The following SPATA6 variants were observed in gnomAD, a reference collection of about 807,000 sequenced individuals.
SPATA6 encodes spermatogenesis associated 6, also known as spermatogenesis-associated protein 6.
SPATA6 carries 56 observed loss-of-function variants against 65.3 expected under a neutral mutation model. The ratio of observed to expected loss-of-function variants is 0.86; its 90% CI spans 0.69 to 1.07. SPATA6 has a LOEUF of 1.07. Among genes scored for constraint, SPATA6 ranks in the 50% least tolerant of loss-of-function variants. The pLI, the probability that SPATA6 is intolerant of heterozygous loss-of-function variation, is 0.00. For missense variants in SPATA6, 590 were observed against 594.8 expected, an observed-to-expected ratio of 0.99 and a Z score of 0.08; for synonymous variants, 199 against 213.2, an observed-to-expected ratio of 0.93 and a Z score of 0.58.
intron 11 of SPATA6, among the ~76,000 whole-genome samples, chr1:48,330,752 G>A (rs949662423): frequency 4.6e-5 from 7 of 152,230 alleles, no homozygotes; most frequent in South Asian, 4.1e-4. Context: ...TAGCCAGACA[G>A]GCAATACCCA....
chr1:48,263,146 T>G, the SPATA6 span: 1 of 152,148 alleles, frequency 6.6e-6, no homozygotes, highest in Non-Finnish European at 1.5e-5. Flanking sequence ...TTCTATTTTT[T>G]CCTTGAAAAA....
chr1:48,311,173 C>T (rs957897047), intron 11 of SPATA6, among the ~76,000 whole-genome samples: 1 of 151,976 alleles, frequency 6.6e-6, no homozygotes, highest in Admixed American at 6.6e-5. Flanking sequence ...AGAAAAAGAA[C>T]ATCAAACCAA....
intron 4 of SPATA6, 90 bp from the exon 5 acceptor site, chr1:48,411,678 G>T: frequency 8.8e-7 from 1 of 1,133,746 alleles, no homozygotes; most frequent in Non-Finnish European, 1.1e-6. Flanking sequence ...ACTGCCTGAT[G>T]CCTTATTGAA....
At chr1:48,325,693 A>G (rs978333773) in intron 11 of SPATA6, 2 of 573,530 alleles carry the variant, frequency 3.5e-6, no homozygotes, top group African/African-American at 3.8e-5. Context: ...CATCCTCTTC[A>G]CCCGTCTTCT....
rs1658296159 is a variant in SPATA6, at chr1:48,471,976, C to T, written c.33G>A (p.Leu11=). 8 of 1,601,846 alleles carry T rather than the reference C, an allele frequency of 5.0e-6. No individual in the cohort carries two copies. The highest frequency in any genetic ancestry group is 6.8e-6 in the Non-Finnish European group (8 of 1,175,850). The change falls in exon 1 of 13, where the codon CTG becomes CTA. Residue 11 remains leucine (L), a synonymous_variant. Coordinates refer to ENST00000371847, the MANE Select transcript of SPATA6 (RefSeq NM_019073.4). ...TACTCACTGAGCTGATCTCCAGCGC[C>T]AGGGCGCACTGCAGCGCCTTCACCT... MPKVKALQCA[L]ALEISSVTCP... is the part of the protein sequence containing the mutation.
chr1:48,454,136 G>A (rs1656820905), intron 1 of SPATA6, among the ~76,000 whole-genome samples: 1 of 151,426 alleles, frequency 6.6e-6, no homozygotes, highest in African/African-American at 2.4e-5. Flanking sequence ...GCAAAAAAAT[G>A]TGTGGTTATT....
At chr1:48,419,751 A>T (rs542450858) in intron 3 of SPATA6, among the ~76,000 whole-genome samples, 1 of 152,336 alleles carries the variant, frequency 6.6e-6, no homozygotes, top group Admixed American at 6.5e-5. Flanking sequence ...CTTCATCTTA[A>T]GAATACTAGA....
At chr1:48,306,721 T>C (rs1341834986) in intron 11 of SPATA6, among the ~76,000 whole-genome samples, 3 of 151,946 alleles carry the variant, frequency 2.0e-5, no homozygotes, top group African/African-American at 7.2e-5. Context: ...TGAATGCACA[T>C]TGTGAAGAAA....
the SPATA6 span, among the ~76,000 whole-genome samples, chr1:48,285,534 C>A: frequency 6.6e-6 from 1 of 151,638 alleles, no homozygotes; most frequent in African/African-American, 2.4e-5. Flanking sequence ...CAAATGGCTG[C>A]CCAGTTTTGT....
At chr1:48,367,601 A>C (rs1034594512) in intron 9 of SPATA6, among the ~76,000 whole-genome samples, 25 of 151,994 alleles carry the variant, frequency 1.6e-4, no homozygotes, top group Non-Finnish European at 2.9e-4. Flanking sequence ...CTGTTTTATC[A>C]GAGACTAGGA....
chr1:48,351,595 G>T (rs1009264164), intron 11 of SPATA6, among the ~76,000 whole-genome samples: 10 of 151,932 alleles, frequency 6.6e-5, no homozygotes, highest in Admixed American at 2.0e-4. Context: ...TCATTTACTA[G>T]GATAAATTTA....
At chr1:48,442,735 A>AAACAAC (rs1655634127) in intron 3 of SPATA6, among the ~76,000 whole-genome samples, 2 of 150,316 alleles carry the variant, frequency 1.3e-5, no homozygotes, top group South Asian at 4.2e-4. Context: ...AAAAAAAAAA[A>AAACAAC]AAAAAAAAAA....
intron 9 of SPATA6, among the ~76,000 whole-genome samples, chr1:48,374,746 ACTTT>A (rs1471700612): frequency 2.2e-4 from 34 of 152,284 alleles, no homozygotes; most frequent in African/African-American, 6.7e-4. Flanking sequence ...ACTTGTCAAG[ACTTT>A]CTTTAAGACT....
intron 4 of SPATA6, among the ~76,000 whole-genome samples, chr1:48,412,090 G>A (rs1217652583): frequency 6.6e-6 from 1 of 152,084 alleles, no homozygotes; most frequent in Non-Finnish European, 1.5e-5. Flanking sequence ...TCAATCTCCT[G>A]ACCTCATGAT....
intron 11 of SPATA6, among the ~76,000 whole-genome samples, chr1:48,307,595 A>T (rs1039545291): frequency 1.3e-5 from 2 of 151,242 alleles, no homozygotes; most frequent in African/African-American, 4.8e-5. Context: ...AATTTTGTGT[A>T]GACATGTGGA....
At chr1:48,323,756 A>T (rs186324251) in intron 11 of SPATA6, among the ~76,000 whole-genome samples, 1 of 152,260 alleles carries the variant, frequency 6.6e-6, no homozygotes, top group East Asian at 1.9e-4. Context: ...AAACCTAAAA[A>T]AAATGTACAA....
At chr1:48,327,906 G>C (rs960387181) in intron 11 of SPATA6, among the ~76,000 whole-genome samples, 1 of 151,982 alleles carries the variant, frequency 6.6e-6, no homozygotes, top group African/African-American at 2.4e-5. Flanking sequence ...AATTACACTA[G>C]AACCACAATT....
chr1:48,298,657 A>C lies in SPATA6; in HGVS notation c.*56T>G. 2.6e-6 allele frequency: 4 copies of C among 1,519,532 alleles called. No individual in the cohort carries two copies. Among genetic ancestry groups the C allele is most frequent in the Non-Finnish European group, 3.6e-6 (4 of 1,124,738 alleles). The allele number at this position is 1,519,532 out of a possible 1,614,324, so 94.1% of individuals were successfully genotyped here. ...AAGGAATACAGATATTGATCACATC[A>C]AACATTTTCATTGAGAAATTGACAC... On this transcript the variant is annotated 3_prime_UTR_variant, in exon 13 of 13. Coordinates refer to ENST00000371847, the MANE Select transcript of SPATA6 (RefSeq NM_019073.4).
At chr1:48,282,890 T>A in the SPATA6 span, among the ~76,000 whole-genome samples, 1 of 152,124 alleles carries the variant, frequency 6.6e-6, no homozygotes, top group Non-Finnish European at 1.5e-5. Flanking sequence ...ACACATACAT[T>A]TATTGTGGCA....
Sources: gnomAD v4.1 joint callset for allele counts (sites outside exome capture counted in the v4.1 genomes callset) on GRCh38, gnomAD v4.1.1 for gene constraint, MANE v1.5 for transcripts, NCBI Gene and HGNC (gene_info 2026-07-23, HGNC 2026-07-21) for gene names.